Variants in SERAC1 observed in about 807,000 individuals in gnomAD.
The protein encoded by SERAC1 is serine active site containing 1.
SERAC1 carries 36 observed loss-of-function variants against 85.7 expected under a neutral mutation model. That is an observed-to-expected ratio of 0.42 (90% CI 0.32 to 0.55). SERAC1 has a LOEUF of 0.55. Among genes scored for constraint, SERAC1 ranks in the 20% least tolerant of loss-of-function variants. SERAC1 has a pLI of 0.11. For missense variants in SERAC1, 629 were observed against 796.2 expected, an observed-to-expected ratio of 0.79 and a Z score of 2.53; for synonymous variants, 242 against 265.3, an observed-to-expected ratio of 0.91 and a Z score of 0.85.
At chr6:158,118,924 C>T (rs1361366475) in intron 12 of SERAC1, 105 bp downstream of exon 12, 1 of 1,371,290 alleles carries the variant, frequency 7.3e-7, no homozygotes, top group Admixed American at 2.3e-5. Flanking sequence ...AGAAGAACTG[C>T]ATGGGAAAAA....
chr6:158,143,659 A>T (rs534111623), intron 7 of SERAC1, among the ~76,000 whole-genome samples: 232 of 151,848 alleles, frequency 1.5e-3, no homozygotes, highest in Non-Finnish European at 2.6e-3. Flanking sequence ...ACTTGTTACT[A>T]TCTCATTTTC....
intron 5 of SERAC1, among the ~76,000 whole-genome samples, chr6:158,147,378 T>A (rs547888076): frequency 6.6e-6 from 1 of 152,090 alleles, no homozygotes; most frequent in East Asian, 1.9e-4. Context: ...TTGTTTTGTA[T>A]ATTCTGGTGT....
chr6:158,117,710 A>G lies in SERAC1; in HGVS notation c.1403+17T>C, dbSNP rs1269314121. Reference sequence around the variant, plus strand: ...GAATTCTTCCCTGTCCTCCTGGTCTAAAGTCGCCTCTGTTACCTTTCCATA... The same window carrying G: ...GAATTCTTCCCTGTCCTCCTGGTCTGAAGTCGCCTCTGTTACCTTTCCATA... On this transcript the variant is annotated intron_variant, in intron 13 of 16. Coordinates refer to ENST00000647468, the MANE Select transcript of SERAC1 (RefSeq NM_032861.4). This position sits in a 1 kb window ranked among gnomAD's most constrained non-coding sequence, Gnocchi z 4.3. The G allele has an allele frequency of 6.2e-7, 1 of 1,613,534 alleles. No individual in the cohort carries two copies. Among genetic ancestry groups the G allele is most frequent in the Admixed American group, 1.7e-5 (1 of 60,010 alleles).
intron 1 of SERAC1, among the ~76,000 whole-genome samples, chr6:158,162,979 C>T (rs1785519657): frequency 6.6e-6 from 1 of 152,094 alleles, no homozygotes; most frequent in African/African-American, 2.4e-5. Context: ...TTGGGAAGTA[C>T]GTGCACATCG....
At chr6:158,158,209 A>G in intron 2 of SERAC1, 64 bp downstream of exon 2, 3 of 1,266,104 alleles carry the variant, frequency 2.4e-6, no homozygotes. Context: ...GGCCCATCTT[A>G]GAAATGGCCA....
In SERAC1 at chr6:158,117,628, T is replaced by C. The variant is rs529013770; in HGVS notation, c.1403+99A>G. The C allele has an allele frequency of 1.3e-6, 2 of 1,588,386 alleles. No homozygotes were observed. The highest frequency in any genetic ancestry group is 4.5e-5 in the East Asian group (2 of 44,482). ...TTGTTCTTCATAAGAAAATCCTGTC[T>C]GTGGCATCAAAAAATTAAAATCACT... is the stretch of plus-strand genomic sequence containing the variant. On this transcript the variant is annotated intron_variant, in intron 13 of 16. Transcript: ENST00000647468. The surrounding 1 kb of genome is among the most constrained non-coding windows in gnomAD (Gnocchi z 4.3).
chr6:158,110,039 GAAATAGCCTGAAATT>G lies in SERAC1; in HGVS notation c.*1312_*1326del, dbSNP rs2128408982. 6.6e-6 allele frequency: 1 copy of G among 152,288 alleles called. No individual in the cohort carries two copies. The highest frequency in any genetic ancestry group is 2.4e-5 in the African/African-American group (1 of 41,560). 9.4% of individuals were successfully genotyped at this position (152,288 alleles called of 1,614,324 possible). ...GGTATGGGGTTCTTTTGGGGATGAT[GAAATAGCCTGAAATT>G]AAATAGCAATGATGTTGCACAACTC... On this transcript the variant is annotated 3_prime_UTR_variant, in exon 17 of 17. Coordinates refer to ENST00000647468, the MANE Select transcript of SERAC1 (RefSeq NM_032861.4).
chr6:158,145,063 G>C (rs1275956927), intron 6 of SERAC1, among the ~76,000 whole-genome samples: 1 of 152,128 alleles, frequency 6.6e-6, no homozygotes, highest in Non-Finnish European at 1.5e-5. Context: ...GGCCAACATG[G>C]TGAAACCCTG....
chr6:158,154,150 ACT>A (rs1354602075), intron 3 of SERAC1, among the ~76,000 whole-genome samples: 3 of 112,464 alleles, frequency 2.7e-5, no homozygotes, highest in African/African-American at 7.2e-5. Flanking sequence ...ACAGAGGAAA[ACT>A]CTGTCTCAAA....
chr6:158,140,072 A>G (rs919674864), intron 8 of SERAC1, among the ~76,000 whole-genome samples: 1 of 152,250 alleles, frequency 6.6e-6, no homozygotes, highest in Admixed American at 6.5e-5. Context: ...GAACACATAC[A>G]TCCACACAAA....
chr6:158,117,261 G>A lies in SERAC1; in HGVS notation c.1403+466C>T, dbSNP rs1784311091. 6.1e-6 allele frequency: 3 copies of A among 491,600 alleles called. No individual in the cohort carries two copies. In the East Asian group the frequency reaches 9.9e-5, roughly 16 times the overall value. The allele number at this position is 491,600 out of a possible 1,614,324, so 30.5% of individuals were successfully genotyped here. A position where few individuals can be genotyped will look rare whatever the true frequency, so the allele number is the denominator to read the frequency against. Reference sequence around the variant, plus strand: ...AAGACTGCACAGCAAATCAAAGGTAGGATCCGGCTACTCTCAGTCCAGTAA... The same window carrying A: ...AAGACTGCACAGCAAATCAAAGGTAAGATCCGGCTACTCTCAGTCCAGTAA... On this transcript the variant is annotated intron_variant, in intron 13 of 16. Coordinates refer to ENST00000647468, the MANE Select transcript of SERAC1 (RefSeq NM_032861.4). This position sits in a 1 kb window ranked among gnomAD's most constrained non-coding sequence, Gnocchi z 4.3.
At chr6:158,161,884 G>A (rs1025198562) in intron 1 of SERAC1, 2 of 151,924 alleles carry the variant, frequency 1.3e-5, no homozygotes, top group African/African-American at 4.8e-5. Flanking sequence ...CAAATTATTC[G>A]AACTATCCAA....
intron 1 of SERAC1, among the ~76,000 whole-genome samples, chr6:158,160,224 T>A (rs1373982379): frequency 6.6e-6 from 1 of 152,162 alleles, no homozygotes. Context: ...CCTTTTTTTT[T>A]TTATTCATTA....
At chr6:158,157,156 C>G (rs963035932) in intron 2 of SERAC1, among the ~76,000 whole-genome samples, 32 of 151,468 alleles carry the variant, frequency 2.1e-4, no homozygotes, top group African/African-American at 7.3e-4. Context: ...ACCACCACAC[C>G]CAGCTAATTT....
At chr6:158,147,768 C>CAAAAAAAAAAAAAAAAAAAAAAAA (rs71027383) in intron 5 of SERAC1, among the ~76,000 whole-genome samples, 1 of 68,932 alleles carries the variant, frequency 1.5e-5, no homozygotes, top group Non-Finnish European at 2.5e-5. Flanking sequence ...GGCTCTGTCT[C>CAAAAAAAAAAAAAAAAAAAAAAAA]AAAAAAAAAA....
rs1784313894 is a variant in SERAC1 at position 158,117,390 on chromosome 6, G to A, written c.1403+337C>T. 2 of 828,522 alleles carry A rather than the reference G, an allele frequency of 2.4e-6. No homozygotes were observed. Among genetic ancestry groups the A allele is most frequent in the Non-Finnish European group, 3.7e-6 (2 of 538,296 alleles). The allele number at this position is 828,522 out of a possible 1,614,324, so 51.3% of individuals were successfully genotyped here. A position where few individuals can be genotyped will look rare whatever the true frequency, so the allele number is the denominator to read the frequency against. ...AGCATCTTTCTCTTTGCTTCCTTTA[G>A]CCAGTATGATTGTGGACACAAGAAC... On this transcript the variant is annotated intron_variant, in intron 13 of 16. Coordinates refer to ENST00000647468, the MANE Select transcript of SERAC1 (RefSeq NM_032861.4). This position sits in a 1 kb window ranked among gnomAD's most constrained non-coding sequence, Gnocchi z 4.3.
rs1784113079 is a variant in SERAC1 at position 158,110,246 on chromosome 6, T to G, written c.*1120A>C. On this transcript the variant is annotated 3_prime_UTR_variant, in exon 17 of 17. Transcript: ENST00000647468. The stretch of plus-strand genomic sequence containing the variant: ...TTTATTTATTTTTTAATTACCCAAG[T>G]GTGGTGGCATGTGCCTGTAGTCCTA... 6.6e-6 allele frequency: 1 copy of G among 152,108 alleles called. No homozygotes were observed. The highest frequency in any genetic ancestry group is 2.4e-5 in the African/African-American group (1 of 41,398). 9.4% of individuals were successfully genotyped at this position (152,108 alleles called of 1,614,324 possible). A position where few individuals can be genotyped will look rare whatever the true frequency, so the allele number is the denominator to read the frequency against.
Position 158,119,115 on chromosome 6 carries a change from T to C in SERAC1, c.1222A>G (p.Lys408Glu). ...TCACTGTCCTGCTGGCGCCATGTTT[T>C]GAATGCTGCTCCCATAAGGCCATGA... ...FIHGLMGAAF[K>E]TWRQQDSEQA... Residue 408 changes from lysine to glutamate, a missense_variant, in exon 12 of 17, where the codon AAA (lysine) becomes GAA (glutamate). Physicochemically the swap from Lys to Glu is moderately conservative, Grantham distance 56 (BLOSUM62 1). Transcript: ENST00000647468. This position sits in a 1 kb window ranked among gnomAD's most constrained non-coding sequence, Gnocchi z 4.5. 1 of 1,613,844 alleles carries C rather than the reference T, an allele frequency of 6.2e-7. No homozygotes were observed. Among genetic ancestry groups the C allele is most frequent in the Non-Finnish European group, 8.5e-7 (1 of 1,179,872 alleles).
rs369225459 is a variant in SERAC1, at chr6:158,116,169, T to C, written c.1501+16A>G. On this transcript the variant is annotated intron_variant, in intron 14 of 16. Coordinates refer to ENST00000647468, the MANE Select transcript of SERAC1 (RefSeq NM_032861.4). Reference sequence around the variant, plus strand: ...ACATCACAATGGCCACTTCACAAAGTTGAAGCCACACTTACCTCCCATGCT... The same window carrying C: ...ACATCACAATGGCCACTTCACAAAGCTGAAGCCACACTTACCTCCCATGCT... 37 of 1,605,746 alleles carry C rather than the reference T, an allele frequency of 2.3e-5. No individual in the cohort carries two copies. The highest frequency in any genetic ancestry group is 2.2e-4 in the East Asian group (10 of 44,834).
Sources: allele counts gnomAD v4.1 joint callset (sites outside exome capture counted in the v4.1 genomes callset), GRCh38; gene constraint gnomAD v4.1.1; non-coding constraint Gnocchi (gnomAD v3.1); transcripts MANE v1.5; gene names NCBI Gene and HGNC (gene_info 2026-07-23, HGNC 2026-07-21).